The following P4HA2 variants were observed in gnomAD, a reference collection of about 807,000 sequenced individuals.
P4HA2 encodes prolyl 4-hydroxylase subunit alpha 2, also known as prolyl 4-hydroxylase subunit alpha-2.
Under a neutral mutation model 76.9 loss-of-function variants are expected in P4HA2, and 46 were observed. The ratio of observed to expected loss-of-function variants is 0.60; its 90% CI spans 0.47 to 0.76. P4HA2 has a LOEUF of 0.76. Among genes scored for constraint, P4HA2 ranks in the 30% least tolerant of loss-of-function variants. The pLI, the probability that P4HA2 is intolerant of heterozygous loss-of-function variation, is 0.00. For missense variants in P4HA2, 583 were observed against 669.4 expected (o/e 0.87, Z 1.42); for synonymous variants, 243 against 254.0 (o/e 0.96, Z 0.41).
intron 2 of P4HA2, 78 bp downstream of exon 2, chr5:132,218,467 G>A (rs1255109309): frequency 2.0e-6 from 2 of 1,001,392 alleles, no homozygotes; most frequent in African/African-American, 1.6e-5. Context: ...CACTCTAAAT[G>A]AGAACAGGCT....
At position 132,223,763 on chromosome 5, in the gene P4HA2, T is replaced by C. The variant is rs186675820; in HGVS notation, c.-19+4027A>G. Among the ~76,000 whole-genome samples the C allele has an allele frequency of 5.0e-3, 756 of 152,342 alleles. 9 individuals carry two copies. Among genetic ancestry groups the C allele is most frequent in the Non-Finnish European group, 7.6e-3 (519 of 68,038 alleles). On this transcript the variant is annotated intron_variant, in intron 1 of 14. Transcript: ENST00000360568. Reference sequence around the variant, plus strand: ...GCTAGATAACTACCTCCATTTCAGATATAAGATAGATACAAATGACAAACA... The same window carrying C: ...GCTAGATAACTACCTCCATTTCAGACATAAGATAGATACAAATGACAAACA...
At chr5:132,205,607 T>C (rs1286377523) in intron 8 of P4HA2, among the ~76,000 whole-genome samples, 1 of 151,956 alleles carries the variant, frequency 6.6e-6, no homozygotes, top group Non-Finnish European at 1.5e-5. Context: ...CCGGGCCAGG[T>C]GGTGGCAGAA....
chr5:132,198,264 T>C (rs747535200), intron 12 of P4HA2, 57 bp downstream of exon 12: 8 of 1,614,230 alleles, frequency 5.0e-6, no homozygotes, highest in Non-Finnish European at 6.8e-6. Context: ...AGTATCTCGC[T>C]CATCATTCTA....
At chr5:132,202,148 C>T (rs181481373) in intron 10 of P4HA2, 2 of 152,194 alleles carry the variant, frequency 1.3e-5, no homozygotes, top group Admixed American at 1.3e-4. Flanking sequence ...GGCAGAAGTC[C>T]TCCATGGATG....
At position 132,210,308 on chromosome 5, in the gene P4HA2, G is replaced by C. The variant is rs1415935322; in HGVS notation, c.685C>G (p.Leu229Val). 6.2e-7 allele frequency: 1 copy of C among 1,613,988 alleles called. No homozygotes were observed. Among genetic ancestry groups the C allele is most frequent in the Non-Finnish European group, 8.5e-7 (1 of 1,180,008 alleles). ...CCAAGGGAGAGCAGGCGGCGGGTGA[G>C]CTCCAGGGCACGGTGCAGATCACCC... ...QLGDLHRALELTRRLLSLDPS... is the reference protein window; with the variant it reads ...QLGDLHRALEVTRRLLSLDPS... The change falls in exon 6 of 15, where the codon CTC (leucine) becomes GTC (valine). Residue 229 changes from leucine to valine, a missense_variant. Coordinates refer to ENST00000360568, the MANE Select transcript of P4HA2 (RefSeq NM_001017974.2).
At chr5:132,209,097 G>A (rs1437210685) in intron 7 of P4HA2, 41 bp downstream of exon 7, 1 of 1,488,472 alleles carries the variant, frequency 6.7e-7, no homozygotes, top group Admixed American at 1.8e-5. Flanking sequence ...CCAGAGTCCA[G>A]GTCCACAGCT....
intron 12 of P4HA2, among the ~76,000 whole-genome samples, chr5:132,197,000 AC>A (rs1407090062): frequency 2.0e-5 from 3 of 152,186 alleles, no homozygotes; most frequent in African/African-American, 7.2e-5. Context: ...GCATGTAATA[AC>A]CACACAATAA....
intron 10 of P4HA2, chr5:132,200,224 G>C (rs1052115310): frequency 6.6e-6 from 1 of 152,178 alleles, no homozygotes; most frequent in Non-Finnish European, 1.5e-5. Context: ...AAAAAGAAAT[G>C]CAAGAAAGAA....
intron 10 of P4HA2, chr5:132,201,179 A>G (rs1369250916): frequency 1.3e-5 from 2 of 152,274 alleles, no homozygotes; most frequent in African/African-American, 2.4e-5. Context: ...AAAATTAAAA[A>G]GGTCAGAAAT....
At position 132,209,240 on chromosome 5, in the gene P4HA2, TTCTG is replaced by T; in HGVS notation, c.797_800del (p.Thr266LysfsTer4). On this transcript the variant is annotated frameshift_variant, in exon 7 of 15. Transcript: ENST00000360568. LOFTEE classifies it high-confidence loss of function. ...TGCCTTCTGGGGTTGCTAGCTCAGC[TTCTG>T]TCTGATTTGTTAACGTTTTTTCTCT... 6.2e-7 allele frequency: 1 copy of T among 1,614,052 alleles called. No homozygotes were observed. Among genetic ancestry groups the T allele is most frequent in the Non-Finnish European group, 8.5e-7 (1 of 1,179,920 alleles).
At chr5:132,201,046 T>G (rs1332551689) in intron 10 of P4HA2, 1 of 152,248 alleles carries the variant, frequency 6.6e-6, no homozygotes, top group Non-Finnish European at 1.5e-5. Context: ...AACAAGAAAC[T>G]GTACGTCAAG....
intron 5 of P4HA2, 139 bp from the exon 6 acceptor site, chr5:132,210,662 C>T: frequency 1.2e-6 from 1 of 823,920 alleles, no homozygotes; most frequent in Non-Finnish European, 2.0e-6. Flanking sequence ...GACTGCATAT[C>T]CTAAAGGGCC....
In P4HA2 at chr5:132,198,318, T is replaced by TA; in HGVS notation, c.1365+2dup. 1 of 1,614,184 alleles carries TA rather than the reference T, an allele frequency of 6.2e-7. No homozygotes were observed. The highest frequency in any genetic ancestry group is 8.5e-7 in the Non-Finnish European group (1 of 1,180,030). On this transcript the variant is annotated splice_region_variant and intron_variant, in intron 12 of 14. Coordinates refer to ENST00000360568, the MANE Select transcript of P4HA2 (RefSeq NM_001017974.2). ...AACAGGTGGGCCTGGACCCAGTACT[T>TA]ACGTAGTTAAGAAACGTCGCTAACC...
chr5:132,214,226 AT>A (rs1753542424), intron 4 of P4HA2, among the ~76,000 whole-genome samples, 173 bp from the exon 5 acceptor site: 1 of 149,802 alleles, frequency 6.7e-6, no homozygotes, highest in Non-Finnish European at 1.5e-5. Flanking sequence ...ACTCCAGTCT[AT>A]GGGGACTTTT....
rs111749308 is a variant in P4HA2 at position 132,190,633 on chromosome 5, A to G, written c.*2377T>C. Among the ~76,000 whole-genome samples, 3,536 of 152,340 alleles carry G rather than the reference A, an allele frequency of 0.023. 149 individuals are homozygous for G. The highest frequency in any genetic ancestry group is 0.08 in the African/African-American group (3,344 of 41,566). On this transcript the variant is annotated 3_prime_UTR_variant, in exon 15 of 15. Coordinates refer to ENST00000360568, the MANE Select transcript of P4HA2 (RefSeq NM_001017974.2). ...CTATATAGCTTTCAGAAGAGAACAC[A>G]GGAAACATCCTCATGATCTTGGGGT...
intron 8 of P4HA2, among the ~76,000 whole-genome samples, chr5:132,204,725 C>T (rs149128348): frequency 3.4e-4 from 52 of 152,332 alleles, no homozygotes; most frequent in African/African-American, 1.2e-3. Flanking sequence ...GCACAGTTTT[C>T]GCTCCCTTGG....
At chr5:132,202,036 T>G (rs572049692) in intron 10 of P4HA2, 1 of 152,270 alleles carries the variant, frequency 6.6e-6, no homozygotes, top group Middle Eastern at 3.4e-3. Context: ...CAAGAAGATA[T>G]GAATCAAGAC....
chr5:132,226,516 C>T (rs982171369), intron 1 of P4HA2, among the ~76,000 whole-genome samples: 11 of 152,268 alleles, frequency 7.2e-5, no homozygotes, highest in African/African-American at 2.6e-4. Context: ...GTCTCCCAGG[C>T]TGGAGTGCAG....
chr5:132,195,705 T>TGAGGCCCACAG (rs551168046), intron 12 of P4HA2: 259 of 583,256 alleles, frequency 4.4e-4, no homozygotes, highest in Non-Finnish European at 7.6e-4. Flanking sequence ...GTTCAAGAGT[T>TGAGGCCCACAG]GAGGCCCACA....
Sources: allele counts gnomAD v4.1 joint callset (sites outside exome capture counted in the v4.1 genomes callset), GRCh38; gene constraint gnomAD v4.1.1; transcripts MANE v1.5; gene names NCBI Gene and HGNC (gene_info 2026-07-23, HGNC 2026-07-21).